The following NSUN6 variants were observed in gnomAD, a reference collection of about 807,000 sequenced individuals.
The protein encoded by NSUN6 is tRNA (cytosine(72)-C(5))-methyltransferase NSUN6.
NSUN6 carries 64 observed loss-of-function variants against 58.0 expected under a neutral mutation model. The ratio of observed to expected loss-of-function variants is 1.10; its 90% CI spans 0.90 to 1.36. NSUN6 has a LOEUF of 1.36. NSUN6 is among the 40% of genes most tolerant of loss of function. NSUN6 has a pLI of 0.00. For missense variants in NSUN6, 701 were observed against 550.1 expected, an observed-to-expected ratio of 1.27 and a Z score of -2.74; for synonymous variants, 231 against 193.9, an observed-to-expected ratio of 1.19 and a Z score of -1.59.
chr10:18,624,351 T>C (rs1198797694), intron 3 of NSUN6, among the ~76,000 whole-genome samples: 1 of 151,936 alleles, frequency 6.6e-6, no homozygotes, highest in African/African-American at 2.4e-5. Flanking sequence ...AGAGCCACTT[T>C]GAAACAGAGC....
intron 6 of NSUN6, among the ~76,000 whole-genome samples, chr10:18,601,848 G>T (rs2057853844): frequency 6.6e-6 from 1 of 151,468 alleles, no homozygotes; most frequent in African/African-American, 2.4e-5. Context: ...ATGGTGGTGG[G>T]CGCCTGTAAT....
In NSUN6 at chr10:18,565,331, A is replaced by ATTCCC. The variant is rs2055846395; in HGVS notation, c.923-13365_923-13361dup. On this transcript the variant is annotated intron_variant, in intron 8 of 10. Coordinates refer to ENST00000377304, the MANE Select transcript of NSUN6 (RefSeq NM_182543.5). ...TCGATTCCATTCCATTCTCCATTCC[A>ATTCCC]TTCCCTTCCATTCTCCATTCTATTC... 2.1e-5 allele frequency among the ~76,000 whole-genome samples: 3 copies of ATTCCC among 144,466 alleles called. No homozygotes were observed. The South Asian group carries it at 6.7e-4, about 32-fold the overall frequency. 94.8% of individuals were successfully genotyped at this position (144,466 alleles called of 152,430 possible).
At position 18,633,768 on chromosome 10, in the gene NSUN6, A is replaced by T. The variant is rs546693449; in HGVS notation, c.311+8708T>A. Among the ~76,000 whole-genome samples the T allele has an allele frequency of 2.0e-5, 3 of 152,332 alleles. 1 individual carries two copies. In the South Asian group the frequency reaches 6.2e-4, roughly 32 times the overall value. ...TGTTTTCTCTAACAAACCTGGATCA[A>T]CTATCTAAAAGCAGCCCAAGAAAAG... On this transcript the variant is annotated intron_variant, in intron 3 of 10. Coordinates refer to ENST00000377304, the MANE Select transcript of NSUN6 (RefSeq NM_182543.5).
At chr10:18,657,161 G>C (rs761064752), upstream of NSUN6, among the ~76,000 whole-genome samples, 1 of 151,998 alleles carries the variant, frequency 6.6e-6, no homozygotes, top group African/African-American at 2.4e-5. Context: ...CTAACAGATC[G>C]ATAGGTACAT....
rs1564850428 is a variant in NSUN6, at chr10:18,648,523, A to G, written c.198T>C (p.His66=). The G allele has an allele frequency of 2.5e-6, 4 of 1,608,456 alleles. No individual in the cohort carries two copies. The highest frequency in any genetic ancestry group is 3.4e-6 in the Non-Finnish European group (4 of 1,175,648). The change falls in exon 2 of 11, where the codon CAT becomes CAC. Residue 66 remains histidine, a synonymous_variant. Transcript: ENST00000377304. ...RVNTHLASVQ[H]VKNLLLDELQ... ...GTTCATCAAGTAACAGATTTTTCAC[A>G]TGTTGTACTGAGGCTAAATGTGTAT...
chr10:18,562,134 T>G (rs1448689478), intron 8 of NSUN6, among the ~76,000 whole-genome samples: 1 of 144,046 alleles, frequency 6.9e-6, no homozygotes, highest in African/African-American at 2.6e-5. Flanking sequence ...GAATGGAGAA[T>G]AGAATGGAAT....
At position 18,622,985 on chromosome 10, in the gene NSUN6, T is replaced by C. The variant is rs116685241; in HGVS notation, c.312-6692A>G. On this transcript the variant is annotated intron_variant, in intron 3 of 10. Transcript: ENST00000377304. ...CCTTTAGAAAACGCTGGTTGAGAGA[T>C]GTTTTAAAGGCTCTTGTATCAAGAC... 4.0e-3 allele frequency among the ~76,000 whole-genome samples: 614 copies of C among 152,330 alleles called. 6 individuals are homozygous for C. Among genetic ancestry groups the C allele is most frequent in the African/African-American group, 0.014 (569 of 41,578 alleles).
intron 8 of NSUN6, among the ~76,000 whole-genome samples, chr10:18,578,750 C>A (rs1041472796): frequency 2.0e-5 from 3 of 152,170 alleles, no homozygotes; most frequent in African/African-American, 7.2e-5. Context: ...AAGGCCCAGG[C>A]TACCTGAAAG....
intron 7 of NSUN6, among the ~76,000 whole-genome samples, chr10:18,589,425 T>C (rs2057296277): frequency 6.6e-6 from 1 of 152,036 alleles, no homozygotes; most frequent in Non-Finnish European, 1.5e-5. Context: ...GGAACACCAC[T>C]AAGATACCCC....
intron 3 of NSUN6, among the ~76,000 whole-genome samples, chr10:18,617,537 C>T (rs1017700032): frequency 5.9e-5 from 9 of 152,112 alleles, no homozygotes; most frequent in South Asian, 2.1e-4. Context: ...TATATAGAGA[C>T]GTCTCACAGT....
chr10:18,584,325 C>G (rs982121947), intron 8 of NSUN6, among the ~76,000 whole-genome samples: 6 of 152,336 alleles, frequency 3.9e-5, no homozygotes, highest in African/African-American at 1.4e-4. Flanking sequence ...CCGCTTTCTG[C>G]TCCAAAGGTG....
intron 8 of NSUN6, among the ~76,000 whole-genome samples, chr10:18,554,299 C>T (rs570214417): frequency 1.7e-4 from 24 of 143,958 alleles, no homozygotes; most frequent in Non-Finnish European, 3.4e-4. Flanking sequence ...GAATGGAGAA[C>T]AGAATGCAAT....
chr10:18,616,146 T>TA (rs764079456), intron 4 of NSUN6, 38 bp downstream of exon 4: 55 of 1,135,386 alleles, frequency 4.8e-5, no homozygotes, highest in Non-Finnish European at 6.6e-5. Context: ...ACATAAATTT[T>TA]AGAGAACCTT....
chr10:18,625,469 T>A (rs2058758923), intron 3 of NSUN6, among the ~76,000 whole-genome samples: 2 of 152,020 alleles, frequency 1.3e-5, no homozygotes, highest in African/African-American at 4.8e-5. Context: ...TCCCAGCACT[T>A]TGGAAGGCCG....
chr10:18,551,243 GTT>G (rs1491451061), intron 9 of NSUN6, among the ~76,000 whole-genome samples: 1 of 50,384 alleles, frequency 2.0e-5, no homozygotes, highest in Non-Finnish European at 4.0e-5. Flanking sequence ...GGTCCTCTCA[GTT>G]GTGTGTGTGT....
intron 6 of NSUN6, among the ~76,000 whole-genome samples, chr10:18,602,064 GTTGTT>G (rs769260441): frequency 6.6e-6 from 1 of 151,472 alleles, no homozygotes; most frequent in Non-Finnish European, 1.5e-5. Flanking sequence ...TAATGGTGGG[GTTGTT>G]TTGTTTTGTT....
chr10:18,587,022 T>C (rs996545686), intron 7 of NSUN6, among the ~76,000 whole-genome samples: 1 of 152,192 alleles, frequency 6.6e-6, no homozygotes, highest in African/African-American at 2.4e-5. Context: ...CTCATGTATA[T>C]CCAATTCACA....
rs746304585 is a variant in NSUN6 at position 18,546,118 on chromosome 10, T to G, written c.1225A>C (p.Arg409=). The G allele has an allele frequency of 1.9e-6, 3 of 1,613,400 alleles. No homozygotes were observed. The East Asian group carries it at 6.7e-5, about 36-fold the overall frequency. ...TGTTCACATGAGAGCCCAGCTCCCC[T>G]CATTCCTTCTCCTCCAATCTGCGGT... ...QEPQIGGEGM[R]GAGLSCEQLK... Residue 409 remains arginine, a synonymous_variant, in exon 11 of 11, where the codon AGG becomes CGG. Coordinates refer to ENST00000377304, the MANE Select transcript of NSUN6 (RefSeq NM_182543.5).
intron 3 of NSUN6, among the ~76,000 whole-genome samples, chr10:18,638,737 C>T (rs1478179740): frequency 6.6e-6 from 1 of 151,990 alleles, no homozygotes; most frequent in Non-Finnish European, 1.5e-5. Flanking sequence ...AACAGGCAGA[C>T]ATTCTCAAGT....
Sources: gnomAD v4.1 joint callset for allele counts (sites outside exome capture counted in the v4.1 genomes callset) on GRCh38, gnomAD v4.1.1 for gene constraint, MANE v1.5 for transcripts, NCBI Gene and HGNC (gene_info 2026-07-23, HGNC 2026-07-21) for gene names.